The following CNTNAP5 variants were observed in gnomAD, a reference collection of about 807,000 sequenced individuals.
The protein encoded by CNTNAP5 is contactin associated protein family member 5.
In CNTNAP5, 72 loss-of-function variants were observed where a neutral mutation model predicts 150.2. The ratio of observed to expected loss-of-function variants is 0.48; its 90% CI spans 0.40 to 0.58. CNTNAP5 has a LOEUF of 0.58. CNTNAP5 is among the 20% of genes least tolerant of loss of function. CNTNAP5 has a pLI of 0.00. For missense variants in CNTNAP5, 1,636 were observed against 1,626.2 expected, an observed-to-expected ratio of 1.01 and a Z score of -0.10; for synonymous variants, 672 against 619.8, an observed-to-expected ratio of 1.08 and a Z score of -1.25.
At chr2:124,713,822 A>G (rs910107203) in intron 13 of CNTNAP5, among the ~76,000 whole-genome samples, 4 of 152,032 alleles carry the variant, frequency 2.6e-5, no homozygotes, top group Non-Finnish European at 5.9e-5. Flanking sequence ...TACCTTTAGG[A>G]GCAATCCCAA....
At chr2:124,716,410 A>C (rs1046091387) in intron 13 of CNTNAP5, among the ~76,000 whole-genome samples, 4 of 152,122 alleles carry the variant, frequency 2.6e-5, no homozygotes, top group Non-Finnish European at 5.9e-5. Context: ...AGATTTATTT[A>C]TAGAACACCT....
intron 16 of CNTNAP5, among the ~76,000 whole-genome samples, chr2:124,770,657 C>T (rs540837517): frequency 6.6e-6 from 1 of 152,260 alleles, no homozygotes; most frequent in South Asian, 2.1e-4. Context: ...ACTCAAGGGG[C>T]CACCTTCACT....
chr2:124,780,617 A>G (rs1256325616), intron 17 of CNTNAP5, among the ~76,000 whole-genome samples: 2 of 152,252 alleles, frequency 1.3e-5, no homozygotes, highest in East Asian at 3.9e-4. Flanking sequence ...GGTAAATTAC[A>G]TTCTCACTGC....
intron 2 of CNTNAP5, among the ~76,000 whole-genome samples, chr2:124,231,321 T>C (rs1686612790): frequency 6.6e-6 from 1 of 152,176 alleles, no homozygotes; most frequent in African/African-American, 2.4e-5. Flanking sequence ...ATTTCTGTCA[T>C]CACTTCAGTA....
At chr2:124,287,587 G>A (rs1221996711) in intron 3 of CNTNAP5, among the ~76,000 whole-genome samples, 1 of 151,976 alleles carries the variant, frequency 6.6e-6, no homozygotes, top group Non-Finnish European at 1.5e-5. Context: ...TAGCTTCATC[G>A]AATCTGTGCA....
intron 1 of CNTNAP5, among the ~76,000 whole-genome samples, chr2:124,210,186 T>G (rs1204718542): frequency 6.6e-6 from 1 of 152,220 alleles, no homozygotes; most frequent in Non-Finnish European, 1.5e-5. Context: ...TTATGACATA[T>G]TATGACTTGC....
At chr2:124,851,820 T>C (rs556954545) in intron 19 of CNTNAP5, among the ~76,000 whole-genome samples, 25 of 152,324 alleles carry the variant, frequency 1.6e-4, no homozygotes, top group African/African-American at 5.0e-4. Flanking sequence ...GTCCTGGATA[T>C]AAAGTGGCTT....
chr2:124,750,560 G>A (rs1200490979), intron 14 of CNTNAP5, among the ~76,000 whole-genome samples: 2 of 152,096 alleles, frequency 1.3e-5, no homozygotes, highest in South Asian at 2.1e-4. Flanking sequence ...TGTGCCAGAC[G>A]GATAGTCTGC....
At chr2:124,563,496 G>T (rs1002662939) in intron 11 of CNTNAP5, among the ~76,000 whole-genome samples, 173 bp downstream of exon 11, 1 of 152,204 alleles carries the variant, frequency 6.6e-6, no homozygotes, top group African/African-American at 2.4e-5. Context: ...AGGATGCATG[G>T]ATACAAGCCA....
intron 1 of CNTNAP5, among the ~76,000 whole-genome samples, chr2:124,137,527 A>G (rs1273408546): frequency 2.0e-5 from 3 of 152,200 alleles, no homozygotes; most frequent in Admixed American, 6.5e-5. Flanking sequence ...GAGAAGTTCA[A>G]TTTTAGAGAT....
At chr2:124,380,832 G>A (rs1045848754) in intron 3 of CNTNAP5, among the ~76,000 whole-genome samples, 5 of 152,076 alleles carry the variant, frequency 3.3e-5, no homozygotes, top group East Asian at 3.9e-4. Flanking sequence ...GAAAATTTAC[G>A]TTCCACTGGA....
intron 17 of CNTNAP5, among the ~76,000 whole-genome samples, chr2:124,780,343 A>G (rs552456560): frequency 6.6e-6 from 1 of 152,318 alleles, no homozygotes; most frequent in Admixed American, 6.5e-5. Context: ...TGACATTTAA[A>G]GGACACACTC....
At chr2:124,592,263 T>A (rs183177375) in intron 11 of CNTNAP5, among the ~76,000 whole-genome samples, 114 of 152,262 alleles carry the variant, frequency 7.5e-4, no homozygotes, top group African/African-American at 2.7e-3. Flanking sequence ...GGGTCAAAGT[T>A]TAAATGTATC....
At chr2:124,206,268 C>A (rs1573835187) in intron 1 of CNTNAP5, among the ~76,000 whole-genome samples, 1 of 152,116 alleles carries the variant, frequency 6.6e-6, no homozygotes, top group African/African-American at 2.4e-5. Context: ...TAACACCTAA[C>A]CCTATGAGTT....
rs1388269696 is a variant in CNTNAP5 at position 124,359,563 on chromosome 2, C to T, written c.382-57880C>T. On this transcript the variant is annotated intron_variant, in intron 3 of 23. Coordinates refer to ENST00000682447, the MANE Select transcript of CNTNAP5 (RefSeq NM_001367498.1). ...ATTTCTGCCTTCATTTCGTTATGTA[C>T]CCAGTAGTCATTCAGGAGCAGGTTG... is the stretch of plus-strand genomic sequence containing the variant. Among the ~76,000 whole-genome samples the T allele has an allele frequency of 9.5e-4, 136 of 143,616 alleles. 1 individual carries two copies. The highest frequency in any genetic ancestry group is 1.5e-3 in the Non-Finnish European group (101 of 65,606). The allele number at this position is 143,616 out of a possible 152,430, so 94.2% of individuals were successfully genotyped here.
chr2:124,736,790 G>A (rs1680391515), intron 13 of CNTNAP5, among the ~76,000 whole-genome samples: 1 of 152,018 alleles, frequency 6.6e-6, no homozygotes, highest in Admixed American at 6.6e-5. Flanking sequence ...AAATCTTTCT[G>A]GGTTGTTTCT....
intron 3 of CNTNAP5, among the ~76,000 whole-genome samples, chr2:124,414,289 A>G (rs1160466138): frequency 6.6e-6 from 1 of 152,040 alleles, no homozygotes; most frequent in Non-Finnish European, 1.5e-5. Flanking sequence ...TAAGTGATTG[A>G]TTGACTTTGA....
chr2:124,710,912 T>C (rs1679792281), intron 13 of CNTNAP5, among the ~76,000 whole-genome samples: 1 of 152,226 alleles, frequency 6.6e-6, no homozygotes, highest in Non-Finnish European at 1.5e-5. Context: ...TGTGCATTCA[T>C]GTTGTAGTAG....
intron 19 of CNTNAP5, among the ~76,000 whole-genome samples, chr2:124,832,148 C>T (rs1165628677): frequency 1.3e-5 from 2 of 152,060 alleles, no homozygotes; most frequent in Non-Finnish European, 2.9e-5. Flanking sequence ...ACTGTCTCTT[C>T]AGTAAATCCA....
Sources: allele counts gnomAD v4.1 joint callset (sites outside exome capture counted in the v4.1 genomes callset), GRCh38; gene constraint gnomAD v4.1.1; transcripts MANE v1.5; gene names NCBI Gene and HGNC (gene_info 2026-07-23, HGNC 2026-07-21).